The following TBC1D8 variants were observed in gnomAD, a reference collection of about 807,000 sequenced individuals.
TBC1D8 encodes the protein BUB2-like protein 1.
A neutral mutation model predicts 118.8 loss-of-function variants in TBC1D8; 65 were observed. That is an observed-to-expected ratio of 0.55 (90% confidence interval 0.45 to 0.67). The LOEUF is 0.67. Ranked by LOEUF, TBC1D8 falls within the 30% of genes least tolerant of loss-of-function variation. The probability of loss-of-function intolerance (pLI) is 0.00; values close to 1 mark genes in which losing one functional copy is unlikely to be tolerated. For synonymous variants in TBC1D8, 566 were observed against 595.8 expected, an observed-to-expected ratio of 0.95 and a Z score of 0.73; for missense variants, 1,376 against 1,471.2, an observed-to-expected ratio of 0.94 and a Z score of 1.06.
chr2:101,037,394 C>T, intron 8 of TBC1D8, 138 bp downstream of exon 8: 2 of 1,258,480 alleles, frequency 1.6e-6, no homozygotes, highest in Non-Finnish European at 2.1e-6. Context: ...ACTTTTCACC[C>T]ATGAGAACAA....
intron 1 of TBC1D8, among the ~76,000 whole-genome samples, chr2:101,103,355 C>CAA (rs200886858): frequency 9.9e-6 from 1 of 101,182 alleles, no homozygotes; most frequent in Admixed American, 9.9e-5. Context: ...AAGCAGGAAA[C>CAA]AAAAAAAAAA....
chr2:101,070,364 T>C (rs1683244212), intron 2 of TBC1D8, among the ~76,000 whole-genome samples: 1 of 151,512 alleles, frequency 6.6e-6, no homozygotes, highest in Non-Finnish European at 1.5e-5. Context: ...ATATCTTGTG[T>C]GACCAACCGA....
At chr2:101,144,699 G>A (rs914036880) in intron 1 of TBC1D8, among the ~76,000 whole-genome samples, 2 of 152,202 alleles carry the variant, frequency 1.3e-5, no homozygotes, top group Non-Finnish European at 2.9e-5. Context: ...CACTTTGGAA[G>A]GCCTAGGCGG....
At chr2:101,078,240 C>G (rs993097943) in intron 2 of TBC1D8, among the ~76,000 whole-genome samples, 16 of 152,136 alleles carry the variant, frequency 1.1e-4, no homozygotes, top group African/African-American at 3.9e-4. Context: ...ATTGCAATTC[C>G]CATCTTGAGA....
intron 1 of TBC1D8, among the ~76,000 whole-genome samples, chr2:101,108,943 A>C (rs1009674954): frequency 2.0e-5 from 3 of 152,158 alleles, no homozygotes; most frequent in African/African-American, 7.2e-5. Flanking sequence ...GAGAAACCAA[A>C]ACCAGGTATG....
At chr2:101,012,230 G>A (rs1208998795) in intron 17 of TBC1D8, among the ~76,000 whole-genome samples, 2 of 152,178 alleles carry the variant, frequency 1.3e-5, no homozygotes, top group African/African-American at 4.8e-5. Context: ...AGAACTGAAA[G>A]TGTTCACATG....
chr2:101,148,051 C>G lies in TBC1D8; in HGVS notation c.127+3076G>C, dbSNP rs187229351. 1.7e-3 allele frequency among the ~76,000 whole-genome samples: 261 copies of G among 152,316 alleles called. 3 individuals carry two copies. The highest frequency in any genetic ancestry group is 4.4e-3 in the East Asian group (23 of 5,192). Reference sequence around the variant, plus strand: ...CCTAGTAGTGCTCAGAGCCCAGGAGCTAACAATGGCAGCCACATCTGTGCC... The same window carrying G: ...CCTAGTAGTGCTCAGAGCCCAGGAGGTAACAATGGCAGCCACATCTGTGCC... On this transcript the variant is annotated intron_variant, in intron 1 of 19. Transcript: ENST00000409318.
At chr2:101,037,402 C>G (rs890696969) in intron 8 of TBC1D8, 130 bp downstream of exon 8, 55 of 1,320,020 alleles carry the variant, frequency 4.2e-5, no homozygotes, top group Non-Finnish European at 5.4e-5. Flanking sequence ...CCCATGAGAA[C>G]AAGACGGAGG....
chr2:101,091,428 CAAAA>C (rs1419780185), intron 1 of TBC1D8, among the ~76,000 whole-genome samples: 1 of 151,364 alleles, frequency 6.6e-6, no homozygotes, highest in Non-Finnish European at 1.5e-5. Flanking sequence ...ACAAAACAAA[CAAAA>C]AAGGCATCCC....
At chr2:101,089,599 C>T (rs1675879490) in intron 2 of TBC1D8, among the ~76,000 whole-genome samples, 1 of 151,980 alleles carries the variant, frequency 6.6e-6, no homozygotes, top group African/African-American at 2.4e-5. Context: ...TCTCTTAGCC[C>T]CCAGCTGTCC....
In TBC1D8 at chr2:101,093,553, C is replaced by CA. The variant is rs199759017; in HGVS notation, c.128-3190dup. Among the ~76,000 whole-genome samples the CA allele has an allele frequency of 2.5e-3, 371 of 149,846 alleles. 3 individuals are homozygous for CA. Among genetic ancestry groups the CA allele is most frequent in the African/African-American group, 8.5e-3 (350 of 40,976 alleles). ...CAAGTAAACTGGCTTCCATTATTCT[C>CA]AAAAAAAAAATTTTAACCAGGTGTG... is the stretch of plus-strand genomic sequence containing the variant. On this transcript the variant is annotated intron_variant, in intron 1 of 19. Coordinates refer to ENST00000409318, the MANE Select transcript of TBC1D8 (RefSeq NM_001330348.2).
chr2:101,104,657 A>G lies in TBC1D8; in HGVS notation c.128-14293T>C, dbSNP rs142617237. Among the ~76,000 whole-genome samples the G allele has an allele frequency of 5.3e-5, 8 of 152,336 alleles. No individual in the cohort carries two copies. In the East Asian group the frequency reaches 1.5e-3, roughly 29 times the overall value. On this transcript the variant is annotated intron_variant, in intron 1 of 19. Coordinates refer to ENST00000409318, the MANE Select transcript of TBC1D8 (RefSeq NM_001330348.2). ...AAATGAACCCAGACACAGACCTTAC[A>G]TCTTTCACAAAAAGTAATTCAAAAT...
Position 101,038,528 on chromosome 2 carries a change from A to T in TBC1D8, c.1208T>A (p.Leu403His). 6.2e-7 allele frequency: 1 copy of T among 1,613,746 alleles called. No homozygotes were observed. The highest frequency in any genetic ancestry group is 8.5e-7 in the Non-Finnish European group (1 of 1,179,840). Reference protein sequence around the residue: ...RDRDSLVEALLARLKQVHANH... With the variant: ...RDRDSLVEALHARLKQVHANH... The stretch of plus-strand genomic sequence containing the variant: ...GGCGTGGACCTGCTTCAACCTCGCA[A>T]GCAGCGCCTCCACCAGGCTGTCTCG... The change falls in exon 7 of 20, where the codon CTT becomes CAT. Residue 403 changes from leucine to histidine, a missense_variant. Physicochemically the swap from Leu to His is moderately conservative, Grantham distance 99 (BLOSUM62 -3). Coordinates refer to ENST00000409318, the MANE Select transcript of TBC1D8 (RefSeq NM_001330348.2).
At chr2:101,111,948 T>C (rs1574054262) in intron 1 of TBC1D8, among the ~76,000 whole-genome samples, 1 of 149,632 alleles carries the variant, frequency 6.7e-6, no homozygotes, top group Admixed American at 6.7e-5. Flanking sequence ...GAAATTCTAG[T>C]GGTCAGAGAT....
chr2:101,018,916 T>C, intron 17 of TBC1D8: 2 of 1,544,386 alleles, frequency 1.3e-6, no homozygotes, highest in Non-Finnish European at 1.8e-6. Flanking sequence ...TGAAAACTGT[T>C]GATGTCCTAA....
chr2:101,109,521 C>T (rs975822714), intron 1 of TBC1D8, among the ~76,000 whole-genome samples: 1 of 152,150 alleles, frequency 6.6e-6, no homozygotes, highest in Non-Finnish European at 1.5e-5. Context: ...CCCACAACAG[C>T]GTGCAGCCCT....
chr2:101,066,209 G>A (rs774489132), intron 2 of TBC1D8, among the ~76,000 whole-genome samples: 22 of 151,996 alleles, frequency 1.4e-4, no homozygotes, highest in Non-Finnish European at 2.9e-4. Flanking sequence ...GCTTGAACCC[G>A]GGAGATGGAG....
In TBC1D8 at chr2:101,057,482, T is replaced by C. The variant is rs370042794; in HGVS notation, c.402+1939A>G. ...CCCAAGTGCTAACCACCCCTGTGAGTTACTCATCACTGAGTTTCTGTTACA... is the reference window on the plus strand; with the variant it reads ...CCCAAGTGCTAACCACCCCTGTGAGCTACTCATCACTGAGTTTCTGTTACA... On this transcript the variant is annotated intron_variant, in intron 3 of 19. Coordinates refer to ENST00000409318, the MANE Select transcript of TBC1D8 (RefSeq NM_001330348.2). 9.2e-5 allele frequency among the ~76,000 whole-genome samples: 14 copies of C among 152,326 alleles called. No homozygotes were observed. The East Asian group carries it at 2.3e-3, about 25-fold the overall frequency.
At chr2:101,056,662 T>A (rs868840890) in intron 3 of TBC1D8, among the ~76,000 whole-genome samples, 1 of 152,184 alleles carries the variant, frequency 6.6e-6, no homozygotes, top group Non-Finnish European at 1.5e-5. Flanking sequence ...ATCTAATATA[T>A]AATGAGTGCT....
Sources: gnomAD v4.1 joint callset for allele counts (sites outside exome capture counted in the v4.1 genomes callset) on GRCh38, gnomAD v4.1.1 for gene constraint, MANE v1.5 for transcripts, NCBI Gene and HGNC (gene_info 2026-07-23, HGNC 2026-07-21) for gene names.